Variants in NSD3 observed in about 807,000 individuals in gnomAD.
NSD3 encodes the protein histone-lysine N-methyltransferase NSD3.
NSD3 carries 24 observed loss-of-function variants against 160.8 expected under a neutral mutation model. That is an observed-to-expected ratio of 0.15 (90% CI 0.11 to 0.21). NSD3 has a LOEUF of 0.21. NSD3 is among the 10% of genes least tolerant of loss of function. NSD3 has a pLI of 1.00. For synonymous variants in NSD3, 520 were observed against 600.0 expected (o/e 0.87, Z 1.95); for missense variants, 1,157 against 1,735.9 (o/e 0.67, Z 5.93).
rs1330786250 is a variant in NSD3, at chr8:38,274,327, C to G, written c.*1314G>C. On this transcript the variant is annotated 3_prime_UTR_variant, in exon 24 of 24. Coordinates refer to ENST00000317025, the MANE Select transcript of NSD3 (RefSeq NM_023034.2). ...TATACTCGCATCTATAAGAGTCAAG[C>G]ATCACCATCAACCATTTTTGCTAAC... 2 of 152,212 alleles carry G rather than the reference C, an allele frequency of 1.3e-5. No homozygotes were observed. Among genetic ancestry groups the G allele is most frequent in the Non-Finnish European group, 2.9e-5 (2 of 68,040 alleles). 9.4% of individuals were successfully genotyped at this position (152,212 alleles called of 1,614,324 possible). A position where few individuals can be genotyped will look rare whatever the true frequency, so the allele number is the denominator to read the frequency against.
chr8:38,322,653 T>C (rs1254754425), intron 7 of NSD3, among the ~76,000 whole-genome samples: 2 of 152,222 alleles, frequency 1.3e-5, no homozygotes, highest in Non-Finnish European at 2.9e-5. Context: ...AAAGAACATA[T>C]ACATTTAAAA....
At chr8:38,357,806 T>A (rs2150388858) in intron 1 of NSD3, among the ~76,000 whole-genome samples, 1 of 152,334 alleles carries the variant, frequency 6.6e-6, no homozygotes, top group South Asian at 2.1e-4. Flanking sequence ...AAAGAAGTTA[T>A]TTTATATAAA....
intron 2 of NSD3, among the ~76,000 whole-genome samples, chr8:38,344,480 G>T (rs369208661): frequency 2.4e-4 from 37 of 152,150 alleles, no homozygotes; most frequent in African/African-American, 8.9e-4. Context: ...CACCATGTTG[G>T]CCAGGCTGGT....
At chr8:38,306,885 C>A (rs371469413) in intron 12 of NSD3, among the ~76,000 whole-genome samples, 1 of 151,910 alleles carries the variant, frequency 6.6e-6, no homozygotes, top group Non-Finnish European at 1.5e-5. Context: ...GAGGCCAAGG[C>A]GGGTGGATCA....
At chr8:38,286,717 C>T (rs1227064331) in intron 19 of NSD3, among the ~76,000 whole-genome samples, 3 of 152,166 alleles carry the variant, frequency 2.0e-5, no homozygotes, top group African/African-American at 7.2e-5. Flanking sequence ...GACCTTCTCA[C>T]CGCAGCTCCT....
At chr8:38,309,891 T>C (rs1809493219) in intron 12 of NSD3, among the ~76,000 whole-genome samples, 1 of 152,244 alleles carries the variant, frequency 6.6e-6, no homozygotes, top group African/African-American at 2.4e-5. Flanking sequence ...TGTTTATCTT[T>C]TGTAAACAAA....
At chr8:38,283,046 T>C (rs1473989328) in intron 19 of NSD3, among the ~76,000 whole-genome samples, 1 of 152,214 alleles carries the variant, frequency 6.6e-6, no homozygotes, top group African/African-American at 2.4e-5. Flanking sequence ...TGCCAAACTA[T>C]TGTCCAGAGT....
At chr8:38,381,587 C>A (rs1261171532) in intron 1 of NSD3, 1 of 142,318 alleles carries the variant, frequency 7.0e-6, no homozygotes, top group Non-Finnish European at 1.5e-5. Flanking sequence ...CCACACCCCC[C>A]ACCTTGCCAT....
chr8:38,314,504 T>TA (rs903454351), intron 12 of NSD3, 143 bp downstream of exon 12: 1 of 1,261,430 alleles, frequency 7.9e-7, no homozygotes, highest in African/African-American at 1.5e-5. Flanking sequence ...AGCCAAATCT[T>TA]AATTTGTTGA....
intron 6 of NSD3, 81 bp from the exon 7 acceptor site, chr8:38,326,937 A>C: frequency 6.8e-7 from 1 of 1,473,120 alleles, no homozygotes; most frequent in Non-Finnish European, 9.1e-7. Context: ...AAGATGGCTT[A>C]AAATGATCAT....
intron 16 of NSD3, among the ~76,000 whole-genome samples, chr8:38,291,242 G>A (rs76806580): frequency 0.015 from 2,225 of 152,208 alleles, 21 homozygotes; most frequent in Non-Finnish European, 0.024. Context: ...AATTAAACAT[G>A]GAATAGTGGA....
chr8:38,336,398 T>G (rs1321092733), intron 4 of NSD3, among the ~76,000 whole-genome samples: 1 of 152,218 alleles, frequency 6.6e-6, no homozygotes, highest in African/African-American at 2.4e-5. Flanking sequence ...CTTTCTTAAT[T>G]TTTATTAACA....
At chr8:38,375,045 G>C (rs552121707) in intron 1 of NSD3, among the ~76,000 whole-genome samples, 2 of 152,086 alleles carry the variant, frequency 1.3e-5, no homozygotes, top group East Asian at 1.9e-4. Context: ...AATAATTCTT[G>C]TGCTTTCTAA....
chr8:38,281,301 C>T (rs1258073136), intron 20 of NSD3, among the ~76,000 whole-genome samples, 166 bp downstream of exon 20: 1 of 152,008 alleles, frequency 6.6e-6, no homozygotes, highest in African/African-American at 2.4e-5. Flanking sequence ...CATTTTTTTA[C>T]TCTGGTATAA....
intron 7 of NSD3, among the ~76,000 whole-genome samples, chr8:38,323,888 A>G (rs1042152616): frequency 6.6e-6 from 1 of 152,064 alleles, no homozygotes; most frequent in African/African-American, 2.4e-5. Flanking sequence ...CTCCATCCAA[A>G]ATAAAAGCAT....
At position 38,283,632 on chromosome 8, in the gene NSD3, C is replaced by G. The variant is rs560528257; in HGVS notation, c.3502-2049G>C. Among the ~76,000 whole-genome samples, 3 of 152,230 alleles carry G rather than the reference C, an allele frequency of 2.0e-5. No individual in the cohort carries two copies. The East Asian group carries it at 5.8e-4, about 29-fold the overall frequency. On this transcript the variant is annotated intron_variant, in intron 19 of 23. Transcript: ENST00000317025. ...GAAATGAATGGTTAAACTAGAAGGG[C>G]CCTAACCTCCCTGCCTCTTCCTTTG... is the stretch of plus-strand genomic sequence containing the variant.
intron 19 of NSD3, among the ~76,000 whole-genome samples, chr8:38,282,846 C>CT (rs1808764525): frequency 6.6e-6 from 1 of 152,150 alleles, no homozygotes; most frequent in Non-Finnish European, 1.5e-5. Context: ...GTGTTTCTGC[C>CT]ATTTGTTTAG....
chr8:38,355,830 C>A (rs181845625), intron 1 of NSD3, among the ~76,000 whole-genome samples: 10 of 152,308 alleles, frequency 6.6e-5, no homozygotes, highest in Admixed American at 2.0e-4. Flanking sequence ...TATTATTTTA[C>A]TTCACAGAAC....
At chr8:38,340,344 TG>T (rs1810331190) in intron 2 of NSD3, among the ~76,000 whole-genome samples, 1 of 152,214 alleles carries the variant, frequency 6.6e-6, no homozygotes, top group South Asian at 2.1e-4. Flanking sequence ...AAAAGGTTTT[TG>T]TTTTTTTGAG....
Sources: gnomAD v4.1 joint callset for allele counts (sites outside exome capture counted in the v4.1 genomes callset) on GRCh38, gnomAD v4.1.1 for gene constraint, MANE v1.5 for transcripts, NCBI Gene and HGNC (gene_info 2026-07-23, HGNC 2026-07-21) for gene names.